The following PTPRD variants were observed in gnomAD, a reference collection of about 807,000 sequenced individuals.
PTPRD encodes protein tyrosine phosphatase receptor type D.
A neutral mutation model predicts 214.5 loss-of-function variants in PTPRD; 34 were observed. The observed-to-expected ratio is 0.16, with a 90% CI of 0.12 to 0.21. The LOEUF is 0.21. Ranked by LOEUF, PTPRD falls within the 10% of genes least tolerant of loss-of-function variation. The pLI, the probability that PTPRD is intolerant of heterozygous loss-of-function variation, is 1.00. For missense variants in PTPRD, 2,545 were observed against 2,398.7 expected, an observed-to-expected ratio of 1.06 and a Z score of -1.27; for synonymous variants, 1,128 against 845.7, an observed-to-expected ratio of 1.33 and a Z score of -5.79.
At chr9:10,239,832 TG>T (rs1465499666) in intron 3 of PTPRD, among the ~76,000 whole-genome samples, 2 of 151,918 alleles carry the variant, frequency 1.3e-5, no homozygotes, top group Non-Finnish European at 2.9e-5. Context: ...TCCTGCCTCT[TG>T]CCCCTCAGTC....
intron 2 of PTPRD, among the ~76,000 whole-genome samples, chr9:10,543,471 T>TACACACACACAC (rs776895056): frequency 1.9e-5 from 2 of 103,696 alleles, no homozygotes; most frequent in African/African-American, 6.4e-5. Context: ...GAGTTTAATA[T>TACACACACACAC]ATATATATAC....
At chr9:9,246,134 A>G (rs879419017) in intron 9 of PTPRD, among the ~76,000 whole-genome samples, 1 of 152,036 alleles carries the variant, frequency 6.6e-6, no homozygotes, top group Non-Finnish European at 1.5e-5. Flanking sequence ...TAAATATGAT[A>G]TTTTAGAAGA....
chr9:8,693,434 A>G (rs2097849412), intron 12 of PTPRD, among the ~76,000 whole-genome samples: 1 of 152,196 alleles, frequency 6.6e-6, no homozygotes, highest in Admixed American at 6.5e-5. Flanking sequence ...TATCCTAGCA[A>G]CTCATGGCCA....
At chr9:8,730,281 T>G (rs546151081) in intron 12 of PTPRD, among the ~76,000 whole-genome samples, 2 of 151,784 alleles carry the variant, frequency 1.3e-5, no homozygotes, top group South Asian at 2.1e-4. Context: ...AAGAAAGAAA[T>G]ATTGCGAGTA....
At chr9:9,066,214 A>T (rs2099732194) in intron 10 of PTPRD, among the ~76,000 whole-genome samples, 1 of 152,052 alleles carries the variant, frequency 6.6e-6, no homozygotes. Flanking sequence ...TCCTTTTTTT[A>T]TTCCCTGGAA....
intron 7 of PTPRD, among the ~76,000 whole-genome samples, chr9:9,733,587 A>G (rs1460674974): frequency 1.3e-5 from 2 of 152,166 alleles, no homozygotes; most frequent in Admixed American, 6.5e-5. Context: ...GCAAGGAGAT[A>G]CTGGACCTTC....
intron 6 of PTPRD, among the ~76,000 whole-genome samples, chr9:9,742,438 T>A (rs948267864): frequency 6.6e-6 from 1 of 152,188 alleles, no homozygotes; most frequent in African/African-American, 2.4e-5. Flanking sequence ...CAGTAATAAA[T>A]GGTAATTTAT....
intron 8 of PTPRD, among the ~76,000 whole-genome samples, chr9:9,402,129 A>G (rs1451371763): frequency 6.6e-6 from 1 of 152,168 alleles, no homozygotes; most frequent in African/African-American, 2.4e-5. Context: ...GTAAACCGAC[A>G]GTAAACGATC....
At chr9:10,452,471 T>G (rs1157874900) in intron 2 of PTPRD, among the ~76,000 whole-genome samples, 1 of 151,786 alleles carries the variant, frequency 6.6e-6, no homozygotes, top group African/African-American at 2.4e-5. Context: ...TTCTCCACAC[T>G]CTCACCAAAA....
At chr9:8,429,456 G>A (rs759836827) in intron 35 of PTPRD, among the ~76,000 whole-genome samples, 9 of 151,872 alleles carry the variant, frequency 5.9e-5, no homozygotes, top group East Asian at 1.9e-4. Flanking sequence ...GTCTCTATAC[G>A]TCTCAACACT....
intron 3 of PTPRD, among the ~76,000 whole-genome samples, chr9:10,112,976 T>G (rs533290437): frequency 1.3e-5 from 2 of 152,338 alleles, no homozygotes; most frequent in South Asian, 2.1e-4. Context: ...TTGCCAAAAG[T>G]GGCGATTCAT....
chr9:10,258,553 T>C (rs1327903866), intron 3 of PTPRD, among the ~76,000 whole-genome samples: 4 of 152,216 alleles, frequency 2.6e-5, no homozygotes, highest in Non-Finnish European at 5.9e-5. Context: ...GCAATTCTTG[T>C]AAAAATCAAT....
intron 2 of PTPRD, among the ~76,000 whole-genome samples, chr9:10,449,656 T>G (rs1292313231): frequency 2.0e-5 from 3 of 150,880 alleles, no homozygotes; most frequent in Admixed American, 6.6e-5. Flanking sequence ...CCGCCCCGTC[T>G]GGGATGTGAG....
intron 2 of PTPRD, among the ~76,000 whole-genome samples, chr9:10,382,303 CAAAT>C (rs1158956221): frequency 6.6e-6 from 1 of 151,922 alleles, no homozygotes; most frequent in Non-Finnish European, 1.5e-5. Context: ...TATGAGTTGA[CAAAT>C]AAACACATAT....
chr9:9,945,078 G>C (rs186722476), intron 4 of PTPRD, among the ~76,000 whole-genome samples: 7 of 152,256 alleles, frequency 4.6e-5, no homozygotes, highest in East Asian at 1.9e-4. Flanking sequence ...TATGTTAAAA[G>C]AAATTGATAA....
intron 7 of PTPRD, among the ~76,000 whole-genome samples, chr9:9,684,291 G>C (rs995538919): frequency 1.3e-5 from 2 of 151,600 alleles, no homozygotes; most frequent in South Asian, 2.1e-4. Flanking sequence ...TTCTGGACTA[G>C]TCACCATGAC....
chr9:9,140,766 G>A (rs924512427), intron 10 of PTPRD, among the ~76,000 whole-genome samples: 2 of 152,124 alleles, frequency 1.3e-5, no homozygotes, highest in African/African-American at 4.8e-5. Context: ...TTTTAGTAGA[G>A]ACGGGGTTTC....
chr9:9,446,847 G>T (rs562630728), intron 8 of PTPRD, among the ~76,000 whole-genome samples: 1 of 152,046 alleles, frequency 6.6e-6, no homozygotes, highest in African/African-American at 2.4e-5. Flanking sequence ...ATTAAAAATT[G>T]GGCAAAGGAC....
chr9:8,926,218 G>C (rs987546731), intron 11 of PTPRD, among the ~76,000 whole-genome samples: 2 of 151,934 alleles, frequency 1.3e-5, no homozygotes, highest in African/African-American at 4.8e-5. Flanking sequence ...TATCAACTCA[G>C]CTTCTACTTA....
Sources: allele counts gnomAD v4.1 joint callset (sites outside exome capture counted in the v4.1 genomes callset), GRCh38; gene constraint gnomAD v4.1.1; transcripts MANE v1.5; gene names NCBI Gene and HGNC (gene_info 2026-07-23, HGNC 2026-07-21).